RIBC2: variants seen among roughly 807,000 people sequenced by gnomAD.
The protein encoded by RIBC2 is RIB43A-like with coiled-coils protein 2.
In RIBC2, 40 loss-of-function variants were observed where a neutral mutation model predicts 44.3. The ratio of observed to expected loss-of-function variants is 0.90; its 90% CI spans 0.70 to 1.18. The LOEUF (loss-of-function observed/expected upper bound fraction) is 1.18, where lower values mean the gene tolerates loss of function less well. RIBC2 is among the 50% of genes most tolerant of loss of function. The pLI, the probability that RIBC2 is intolerant of heterozygous loss-of-function variation, is 0.00. For synonymous variants in RIBC2, 171 were observed against 175.0 expected, an observed-to-expected ratio of 0.98 and a Z score of 0.18; for missense variants, 459 against 485.5, an observed-to-expected ratio of 0.95 and a Z score of 0.51.
chr22:45,426,210 A>T, intron 5 of RIBC2, 35 bp downstream of exon 5: 2 of 1,568,664 alleles, frequency 1.3e-6, no homozygotes, highest in Non-Finnish European at 1.7e-6. Flanking sequence ...GAGCCCATAG[A>T]GCCAGGCTCT....
At chr22:45,418,860 C>A (rs547030564) in intron 3 of RIBC2, among the ~76,000 whole-genome samples, 18 of 152,164 alleles carry the variant, frequency 1.2e-4, no homozygotes, top group Non-Finnish European at 2.6e-4. Flanking sequence ...TTTATGCCCT[C>A]CCTGCTCCAC....
At chr22:45,414,500 A>AT in intron 2 of RIBC2, 97 bp downstream of exon 2, 2 of 714,182 alleles carry the variant, frequency 2.8e-6, no homozygotes, top group Non-Finnish European at 2.1e-6. Flanking sequence ...TTTTTTTTTT[A>AT]TTTTTTATTT....
Position 45,421,559 on chromosome 22 carries a change from G to GT in RIBC2, c.557-730dup, listed in dbSNP as rs1569208918. Among the ~76,000 whole-genome samples, 11 of 33,504 alleles carry GT rather than the reference G, an allele frequency of 3.3e-4. No homozygotes were observed. In the East Asian group the frequency reaches 0.017, roughly 53 times the overall value. 22.0% of individuals were successfully genotyped at this position (33,504 alleles called of 152,430 possible). ...ATTAATAATATTAATAATAATAATA[G>GT]TATTATTAATAATAGTATTATTAAT... On this transcript the variant is annotated intron_variant, in intron 3 of 6. Transcript: ENST00000614167.
At chr22:45,424,146 G>C (rs1365005974) in intron 4 of RIBC2, among the ~76,000 whole-genome samples, 7 of 152,196 alleles carry the variant, frequency 4.6e-5, no homozygotes, top group African/African-American at 7.2e-5. Flanking sequence ...ATGCCACGAG[G>C]CAGCACCATT....
intron 3 of RIBC2, among the ~76,000 whole-genome samples, chr22:45,421,665 G>A (rs1569209033): frequency 6.6e-6 from 1 of 151,104 alleles, no homozygotes; most frequent in African/African-American, 2.4e-5. Flanking sequence ...AAGGACACAG[G>A]CTCAGCAAGG....
chr22:45,421,557 TAG>T (rs757564401), intron 3 of RIBC2, among the ~76,000 whole-genome samples: 1 of 36,052 alleles, frequency 2.8e-5, no homozygotes, highest in Admixed American at 2.4e-4. Context: ...ATAATAATAA[TAG>T]TATTATTAAT....
chr22:45,431,567 C>T (rs544916654), intron 6 of RIBC2, among the ~76,000 whole-genome samples: 9 of 152,302 alleles, frequency 5.9e-5, no homozygotes, highest in African/African-American at 2.2e-4. Context: ...TTATCTAGCT[C>T]TTGGCTTAAA....
chr22:45,414,193 T>C (rs909874789), intron 1 of RIBC2, 129 bp from the exon 2 acceptor site: 1 of 1,478,954 alleles, frequency 6.8e-7, no homozygotes, highest in Admixed American at 2.6e-5. Flanking sequence ...ACGGTTCTCC[T>C]CCCCTGAGCC....
intron 5 of RIBC2, among the ~76,000 whole-genome samples, chr22:45,428,946 CAG>C (rs754088477): frequency 1.2e-4 from 19 of 152,310 alleles, no homozygotes; most frequent in East Asian, 1.9e-4. Context: ...GTGAAGGACT[CAG>C]GGGGCCGAGG....
chr22:45,417,482 C>G, intron 2 of RIBC2, 120 bp from the exon 3 acceptor site: 1 of 736,824 alleles, frequency 1.4e-6, no homozygotes, highest in South Asian at 2.3e-5. Flanking sequence ...GCCAGGAGAC[C>G]AGCCCAGGCA....
chr22:45,431,117 G>T (rs769509020), intron 6 of RIBC2, 51 bp downstream of exon 6: 6 of 1,544,680 alleles, frequency 3.9e-6, no homozygotes, highest in African/African-American at 2.7e-5. Flanking sequence ...TGGAGGGACC[G>T]CGGGGCTGTG....
chr22:45,426,242 CACA>C, intron 5 of RIBC2, 67 bp downstream of exon 5: 1 of 1,394,018 alleles, frequency 7.2e-7, no homozygotes, highest in Non-Finnish European at 1.0e-6. Context: ...GCCTTCCAGG[CACA>C]AATGTAGTTG....
chr22:45,419,478 A>G (rs571521235), intron 3 of RIBC2, among the ~76,000 whole-genome samples: 2 of 152,252 alleles, frequency 1.3e-5, no homozygotes, highest in African/African-American at 4.8e-5. Flanking sequence ...TCATGCCTGT[A>G]ATCTCGGCAT....
At chr22:45,418,009 TTTTTTTTTTTTTAAGCAACCCTACAG>T in intron 3 of RIBC2, 63 bp downstream of exon 3, 9 of 864,050 alleles carry the variant, frequency 1.0e-5, no homozygotes, top group Non-Finnish European at 1.3e-5. Context: ...CCCTACAGTT[TTTTTTTTTTTTTAAGCAACCCTACAG>T]TTTTTTTTTT....
At chr22:45,431,620 G>A (rs983197700) in intron 6 of RIBC2, among the ~76,000 whole-genome samples, 1 of 152,130 alleles carries the variant, frequency 6.6e-6, no homozygotes, top group Non-Finnish European at 1.5e-5. Context: ...CCGATATCTG[G>A]TTGCTTGTGG....
chr22:45,420,934 C>T (rs1461101057), intron 3 of RIBC2, among the ~76,000 whole-genome samples: 1 of 152,152 alleles, frequency 6.6e-6, no homozygotes, highest in Non-Finnish European at 1.5e-5. Flanking sequence ...CAGTGGTTCA[C>T]ACCTGTAATC....
intron 4 of RIBC2, among the ~76,000 whole-genome samples, chr22:45,424,570 TC>T (rs2087516241): frequency 6.6e-6 from 1 of 152,120 alleles, no homozygotes; most frequent in South Asian, 2.1e-4. Context: ...CCATGCATGC[TC>T]CCTGCCCGCC....
At chr22:45,420,619 A>T (rs900396890) in intron 3 of RIBC2, among the ~76,000 whole-genome samples, 15 of 151,882 alleles carry the variant, frequency 9.9e-5, no homozygotes, top group African/African-American at 3.6e-4. Flanking sequence ...TCCTTTTTCC[A>T]TCTTTCTCCT....
intron 5 of RIBC2, among the ~76,000 whole-genome samples, chr22:45,426,812 G>A (rs994622216): frequency 5.3e-5 from 8 of 152,178 alleles, no homozygotes; most frequent in Admixed American, 1.3e-4. Flanking sequence ...ACAGCGAGAG[G>A]TGATGCTGGC....
Sources: allele counts gnomAD v4.1 joint callset (sites outside exome capture counted in the v4.1 genomes callset), GRCh38; gene constraint gnomAD v4.1.1; transcripts MANE v1.5; gene names NCBI Gene and HGNC (gene_info 2026-07-23, HGNC 2026-07-21).